The following NIN variants were observed in gnomAD, a reference collection of about 807,000 sequenced individuals.
The protein encoded by NIN is ninein, also known as glycogen synthase kinase 3 beta-interacting protein.
Under a neutral mutation model 257.6 loss-of-function variants are expected in NIN, and 137 were observed. The ratio of observed to expected loss-of-function variants is 0.53; its 90% CI spans 0.46 to 0.61. The LOEUF (loss-of-function observed/expected upper bound fraction) is 0.61, where lower values mean the gene tolerates loss of function less well. Ranked by LOEUF, NIN falls within the 20% of genes least tolerant of loss-of-function variation. The pLI, the probability that NIN is intolerant of heterozygous loss-of-function variation, is 0.00. For synonymous variants in NIN, 918 were observed against 919.8 expected (o/e 1.00, Z 0.04); for missense variants, 2,439 against 2,501.2 (o/e 0.98, Z 0.53).
chr14:50,765,084 A>T (rs1423208219), intron 14 of NIN, among the ~76,000 whole-genome samples: 1 of 147,816 alleles, frequency 6.8e-6, no homozygotes, highest in African/African-American at 2.5e-5. Context: ...AAAAAAAAAA[A>T]AAAAAAAATT....
intron 27 of NIN, 139 bp downstream of exon 27, chr14:50,738,000 AC>A: frequency 3.7e-6 from 3 of 819,228 alleles, no homozygotes; most frequent in Non-Finnish European, 5.7e-6. Flanking sequence ...TGCTATTTTG[AC>A]AAGATAACAG....
At chr14:50,779,420 G>C (rs554744389) in intron 5 of NIN, among the ~76,000 whole-genome samples, 41 of 152,350 alleles carry the variant, frequency 2.7e-4, no homozygotes, top group Middle Eastern at 6.8e-3. Flanking sequence ...AAGAAGCAAT[G>C]TCTAAACTGA....
At chr14:50,817,702 T>C (rs1352707983) in intron 3 of NIN, among the ~76,000 whole-genome samples, 1 of 152,072 alleles carries the variant, frequency 6.6e-6, no homozygotes, top group African/African-American at 2.4e-5. Flanking sequence ...GGCTGTTTTG[T>C]CTCAAAGTTG....
Position 50,768,242 on chromosome 14 carries a change from TA to T in NIN, c.1435-1353del, listed in dbSNP as rs376507923. Among the ~76,000 whole-genome samples the T allele has an allele frequency of 1.7e-4, 25 of 149,252 alleles. No individual in the cohort carries two copies. In the South Asian group the frequency reaches 3.4e-3, roughly 20 times the overall value. ...TCACACCCTCATACAGCAATATAAG[TA>T]AAAAAAAAATGTACTTAGAGCATTT... is the stretch of plus-strand genomic sequence containing the variant. On this transcript the variant is annotated intron_variant, in intron 12 of 30. Coordinates refer to ENST00000530997, the MANE Select transcript of NIN (RefSeq NM_020921.4).
intron 5 of NIN, among the ~76,000 whole-genome samples, chr14:50,791,617 G>A (rs546454434): frequency 3.3e-5 from 5 of 151,956 alleles, no homozygotes; most frequent in Admixed American, 6.6e-5. Flanking sequence ...ATAAATTTCC[G>A]TATTTATTGC....
At chr14:50,791,355 T>C (rs892312547) in intron 5 of NIN, among the ~76,000 whole-genome samples, 1 of 152,210 alleles carries the variant, frequency 6.6e-6, no homozygotes, top group Non-Finnish European at 1.5e-5. Context: ...GGAGAAGGAC[T>C]CCTGAAACTG....
chr14:50,796,999 G>T (rs1028010441), intron 4 of NIN, among the ~76,000 whole-genome samples: 19 of 152,184 alleles, frequency 1.2e-4, no homozygotes, highest in African/African-American at 4.1e-4. Flanking sequence ...GCAAAAGCCT[G>T]AACACTATAT....
chr14:50,792,744 G>A lies in NIN; in HGVS notation c.403C>T (p.Pro135Ser), dbSNP rs2043655134. 1.2e-6 allele frequency: 2 copies of A among 1,614,042 alleles called. No individual in the cohort carries two copies. The highest frequency in any genetic ancestry group is 1.7e-6 in the Non-Finnish European group (2 of 1,180,036). Reference sequence around the variant, plus strand: ...CAGTCACCGGCTGGGATGTGTGAAGGCCGCGCTTCTTCATCCAGTGGCTCA... The same window carrying A: ...CAGTCACCGGCTGGGATGTGTGAAGACCGCGCTTCTTCATCCAGTGGCTCA... ...VIEPLDEEAR[P>S]SHIPAGDCSE... Residue 135 changes from proline to serine, a missense_variant, in exon 5 of 31, where the codon CCT becomes TCT. Pro to Ser is a moderately conservative substitution (Grantham distance 74). Transcript: ENST00000530997.
intron 29 of NIN, chr14:50,727,227 C>A (rs1383285586): frequency 1.1e-6 from 1 of 933,752 alleles, no homozygotes; most frequent in Non-Finnish European, 1.3e-6. Flanking sequence ...AAAACAAAGG[C>A]AGTCATATAC....
At chr14:50,767,055 T>C (rs2042517510) in intron 12 of NIN, among the ~76,000 whole-genome samples, 165 bp from the exon 13 acceptor site, 1 of 152,244 alleles carries the variant, frequency 6.6e-6, no homozygotes, top group Non-Finnish European at 1.5e-5. Context: ...AAGGTTGATA[T>C]CTATTTTATA....
rs775804394 is a variant in NIN, at chr14:50,748,047, T to C, written c.5009A>G (p.His1670Arg). Residue 1670 changes from histidine (H) to arginine (R), a missense_variant, in exon 22 of 31, where the codon CAT (histidine) becomes CGT (arginine). Coordinates refer to ENST00000530997, the MANE Select transcript of NIN (RefSeq NM_020921.4). ...AAGGTGGTTTTCCTGTTGCACAATATGGGTCTGTATTTTAACTTCAGAGAG... is the reference window on the plus strand; with the variant it reads ...AAGGTGGTTTTCCTGTTGCACAATACGGGTCTGTATTTTAACTTCAGAGAG... ...AELSEVKIQT[H>R]IVQQENHLLK... 1.9e-6 allele frequency: 3 copies of C among 1,614,088 alleles called. No homozygotes were observed. The highest frequency in any genetic ancestry group is 1.1e-5 in the South Asian group (1 of 91,074).
intron 15 of NIN, 137 bp downstream of exon 15, chr14:50,763,689 T>A: frequency 2.9e-6 from 2 of 685,220 alleles, no homozygotes. Context: ...GTGAAACAGC[T>A]CAAGAAAAGA....
At chr14:50,753,933 G>A (rs937745528) in intron 20 of NIN, among the ~76,000 whole-genome samples, 1 of 151,286 alleles carries the variant, frequency 6.6e-6, no homozygotes, top group Non-Finnish European at 1.5e-5. Flanking sequence ...TATTTCAACT[G>A]GATTTTCCCA....
chr14:50,749,391 A>G (rs2140660060), intron 21 of NIN, among the ~76,000 whole-genome samples: 1 of 152,352 alleles, frequency 6.6e-6, no homozygotes, highest in East Asian at 1.9e-4. Context: ...CATTCAGGAC[A>G]CAGGCATGGG....
At chr14:50,829,706 T>C (rs1026017684) in intron 2 of NIN, among the ~76,000 whole-genome samples, 1 of 152,224 alleles carries the variant, frequency 6.6e-6, no homozygotes, top group African/African-American at 2.4e-5. Flanking sequence ...TGATATATGG[T>C]AGGGCAGTCT....
chr14:50,773,644 C>G (rs1264142401), intron 7 of NIN, among the ~76,000 whole-genome samples: 1 of 152,214 alleles, frequency 6.6e-6, no homozygotes, highest in Non-Finnish European at 1.5e-5. Context: ...TAGAACCTTA[C>G]TTGTAACAAT....
chr14:50,738,848 T>C (rs1051246580), intron 26 of NIN, among the ~76,000 whole-genome samples: 1 of 152,218 alleles, frequency 6.6e-6, no homozygotes, highest in African/African-American at 2.4e-5. Context: ...TGGGAGACTA[T>C]GCAGCAGAGG....
intron 22 of NIN, among the ~76,000 whole-genome samples, chr14:50,747,676 G>A (rs933961732): frequency 4.6e-5 from 7 of 151,430 alleles, no homozygotes; most frequent in Admixed American, 4.6e-4. Flanking sequence ...GGAGGTTGCA[G>A]TGAGCTGAGA....
At chr14:50,733,188 G>T (rs2040806581) in intron 28 of NIN, among the ~76,000 whole-genome samples, 1 of 151,916 alleles carries the variant, frequency 6.6e-6, no homozygotes. Flanking sequence ...CGCCTCCCGG[G>T]TTCAAGCGAT....
Sources: gnomAD v4.1 joint callset for allele counts (sites outside exome capture counted in the v4.1 genomes callset) on GRCh38, gnomAD v4.1.1 for gene constraint, MANE v1.5 for transcripts, NCBI Gene and HGNC (gene_info 2026-07-23, HGNC 2026-07-21) for gene names.